The following RIT2 variants were observed in gnomAD, a reference collection of about 807,000 sequenced individuals.
The protein encoded by RIT2 is GTP-binding protein Rit2.
RIT2 carries 24 observed loss-of-function variants against 23.7 expected under a neutral mutation model. The ratio of observed to expected loss-of-function variants is 1.01; its 90% CI spans 0.73 to 1.43. The LOEUF (loss-of-function observed/expected upper bound fraction) is 1.43. RIT2 is among the 40% of genes most tolerant of loss of function. The pLI is 0.00. For missense variants in RIT2, 236 were observed against 266.9 expected, an observed-to-expected ratio of 0.88 and a Z score of 0.81; for synonymous variants, 107 against 91.1, an observed-to-expected ratio of 1.17 and a Z score of -0.99.
chr18:42,873,724 G>C (rs633940), intron 4 of RIT2, among the ~76,000 whole-genome samples: 75,809 of 151,964 alleles, frequency 0.5, 21,090 homozygotes, highest in African/African-American at 0.77. Flanking sequence ...ATATCAGAAA[G>C]TTGTTAAAGC....
intron 4 of RIT2, among the ~76,000 whole-genome samples, chr18:42,870,677 T>C (rs1907598021): frequency 6.6e-6 from 1 of 151,868 alleles, no homozygotes; most frequent in Non-Finnish European, 1.5e-5. Flanking sequence ...AAACAACCAA[T>C]AGGGTAGGCC....
intron 3 of RIT2, among the ~76,000 whole-genome samples, chr18:42,953,853 C>T (rs1250173853): frequency 6.6e-6 from 1 of 152,102 alleles, no homozygotes; most frequent in African/African-American, 2.4e-5. Context: ...CAGATAATAT[C>T]TAGAGAGCCC....
intron 2 of RIT2, among the ~76,000 whole-genome samples, chr18:42,988,224 A>C (rs1277253112): frequency 6.6e-6 from 1 of 152,182 alleles, no homozygotes; most frequent in Admixed American, 6.5e-5. Context: ...TTTAAAAAAA[A>C]AGTTTTAAAA....
At chr18:42,982,842 A>G (rs1910626979) in intron 2 of RIT2, among the ~76,000 whole-genome samples, 1 of 152,116 alleles carries the variant, frequency 6.6e-6, no homozygotes, top group African/African-American at 2.4e-5. Flanking sequence ...GAAATCAAAT[A>G]TTTAAATAAA....
intron 4 of RIT2, among the ~76,000 whole-genome samples, chr18:42,873,361 A>G (rs1016396330): frequency 6.6e-6 from 1 of 152,146 alleles, no homozygotes; most frequent in Non-Finnish European, 1.5e-5. Flanking sequence ...AAAGTCCCTA[A>G]GGTTCATATT....
At chr18:42,759,724 C>T (rs1020864338) in intron 4 of RIT2, among the ~76,000 whole-genome samples, 1 of 105,376 alleles carries the variant, frequency 9.5e-6, no homozygotes, top group African/African-American at 3.2e-5. Flanking sequence ...CACACACACA[C>T]ACACACACAC....
intron 3 of RIT2, among the ~76,000 whole-genome samples, chr18:42,969,421 G>A (rs1433833976): frequency 2.0e-5 from 3 of 152,100 alleles, no homozygotes; most frequent in Admixed American, 6.6e-5. Flanking sequence ...TAAGCTCGTA[G>A]TAATTCAGAA....
chr18:42,823,619 C>T (rs1163811634), intron 4 of RIT2, among the ~76,000 whole-genome samples: 1 of 152,056 alleles, frequency 6.6e-6, no homozygotes, highest in Non-Finnish European at 1.5e-5. Context: ...TCCCTGCACA[C>T]TTTTTTTCTA....
At chr18:42,918,896 T>A (rs753235169) in intron 4 of RIT2, among the ~76,000 whole-genome samples, 1 of 152,248 alleles carries the variant, frequency 6.6e-6, no homozygotes, top group Non-Finnish European at 1.5e-5. Flanking sequence ...GTCAAGATAT[T>A]CATCCATTCA....
intron 3 of RIT2, 147 bp downstream of exon 3, chr18:42,973,927 T>C: frequency 1.8e-6 from 1 of 568,874 alleles, no homozygotes; most frequent in South Asian, 2.7e-5. Flanking sequence ...GTAATTTTGA[T>C]TCTTTTAAAA....
At chr18:42,817,074 C>CT (rs1036280463) in intron 4 of RIT2, among the ~76,000 whole-genome samples, 143 of 146,550 alleles carry the variant, frequency 9.8e-4, no homozygotes, top group South Asian at 9.7e-3. Context: ...TGAAGTAAAA[C>CT]TTTTTTTTTT....
chr18:42,792,762 T>A (rs1428189991), intron 4 of RIT2, among the ~76,000 whole-genome samples: 1 of 152,202 alleles, frequency 6.6e-6, no homozygotes, highest in Non-Finnish European at 1.5e-5. Flanking sequence ...ACAGGTTGAC[T>A]TTTTTGTGTA....
At chr18:42,863,624 C>T (rs894702311) in intron 4 of RIT2, among the ~76,000 whole-genome samples, 1 of 152,146 alleles carries the variant, frequency 6.6e-6, no homozygotes, top group Non-Finnish European at 1.5e-5. Context: ...GCCACACATG[C>T]TTTCTTGGAA....
At chr18:42,815,795 A>G (rs762491378) in intron 4 of RIT2, among the ~76,000 whole-genome samples, 2 of 152,182 alleles carry the variant, frequency 1.3e-5, no homozygotes, top group Non-Finnish European at 2.9e-5. Flanking sequence ...TCAGAACAAT[A>G]CAAATCACTC....
intron 3 of RIT2, among the ~76,000 whole-genome samples, chr18:42,948,817 A>G (rs568938615): frequency 6.6e-6 from 1 of 152,190 alleles, no homozygotes; most frequent in South Asian, 2.1e-4. Flanking sequence ...CCCTACTCCC[A>G]AGTCACCCTC....
chr18:42,937,045 TTG>T (rs1312815937), intron 3 of RIT2, among the ~76,000 whole-genome samples: 2 of 151,680 alleles, frequency 1.3e-5, no homozygotes, highest in Non-Finnish European at 2.9e-5. Context: ...AGAATGTGAC[TTG>T]AGGGAACCAC....
At chr18:42,945,324 T>A (rs374171568) in intron 3 of RIT2, among the ~76,000 whole-genome samples, 1 of 152,096 alleles carries the variant, frequency 6.6e-6, no homozygotes, top group Admixed American at 6.6e-5. Flanking sequence ...CAAATATGCA[T>A]AATCAATAAG....
At chr18:42,956,053 C>T (rs1036911467) in intron 3 of RIT2, among the ~76,000 whole-genome samples, 114 of 152,248 alleles carry the variant, frequency 7.5e-4, no homozygotes, top group African/African-American at 2.7e-3. Flanking sequence ...TTCAAGTATG[C>T]AGCTAAGATG....
intron 4 of RIT2, among the ~76,000 whole-genome samples, chr18:42,878,767 C>T (rs934876342): frequency 3.9e-5 from 6 of 151,900 alleles, no homozygotes; most frequent in Non-Finnish European, 5.9e-5. Flanking sequence ...CCTGAGTTTT[C>T]TATGTTAGGC....
Sources: gnomAD v4.1 joint callset for allele counts (sites outside exome capture counted in the v4.1 genomes callset) on GRCh38, gnomAD v4.1.1 for gene constraint, MANE v1.5 for transcripts, NCBI Gene and HGNC (gene_info 2026-07-23, HGNC 2026-07-21) for gene names.